SEPTIN6: variants seen among roughly 807,000 people sequenced by gnomAD.
The protein encoded by SEPTIN6 is septin-6.
In SEPTIN6, 8 loss-of-function variants were observed where a neutral mutation model predicts 33.6. The observed-to-expected ratio is 0.24, with a 90% CI of 0.14 to 0.43. SEPTIN6 has a LOEUF of 0.43. Among genes scored for constraint, SEPTIN6 ranks in the 20% least tolerant of loss-of-function variants. The pLI, the probability that SEPTIN6 is intolerant of heterozygous loss-of-function variation, is 1.00. For missense variants in SEPTIN6, 250 were observed against 340.8 expected (o/e 0.73, Z 2.10); for synonymous variants, 131 against 140.0 (o/e 0.94, Z 0.45).
Position 119,618,137 on chromosome X carries a change from CTG to C in SEPTIN6, c.*1954_*1955del. On this transcript the variant is annotated 3_prime_UTR_variant, in exon 11 of 11. Transcript: ENST00000394610. ...CTGACAGGCCTAACTCAGCATCTCT[CTG>C]AGCTACTGGCTGAGTATCTGAGCAG... 3.8e-6 allele frequency: 3 copies of C among 785,914 alleles called. No homozygotes were observed. The highest frequency in any genetic ancestry group is 4.5e-6 in the Non-Finnish European group (3 of 659,381). The allele number at this position is 785,914 out of a possible 1,213,427, so 64.8% of individuals were successfully genotyped here. A position where few individuals can be genotyped will look rare whatever the true frequency, so the allele number is the denominator to read the frequency against.
Position 119,663,495 on chromosome X carries a change from T to C in SEPTIN6, c.328A>G (p.Asn110Asp). The C allele has an allele frequency of 8.3e-7, 1 of 1,198,325 alleles. No individual in the cohort carries two copies. The change falls in exon 3 of 11, where the codon AAC (asparagine) becomes GAC (aspartate). Residue 110 changes from asparagine (N) to aspartate (D), a missense_variant. This residue lies in a region of SEPTIN6 where 111 missense variants were observed against 113.8 expected (regional missense o/e 0.98). Coordinates refer to ENST00000394610, the MANE Select transcript of SEPTIN6 (RefSeq NM_145799.4). ...CGCCTTCTTTACCTGTCCTCTTTGT[T>C]GATCTGGTCCCCAAAGCCAACTGTG... ...VSTVGFGDQI[N>D]KEDSYKPIVE... is the part of the protein sequence containing the mutation.
At chrX:119,688,449 C>T (rs916859921) in intron 1 of SEPTIN6, among the ~76,000 whole-genome samples, 2 of 111,442 alleles carry the variant, frequency 1.8e-5, no homozygotes, top group African/African-American at 6.5e-5. Context: ...TGGCTCACAC[C>T]TGTAATCCCA....
chrX:119,619,026 C>G lies in SEPTIN6; in HGVS notation c.*1067G>C, dbSNP rs2053707402. 9.4e-6 allele frequency: 9 copies of G among 961,635 alleles called. No individual in the cohort carries two copies. The highest frequency in any genetic ancestry group is 1.2e-5 in the Non-Finnish European group (9 of 769,206). The allele number at this position is 961,635 out of a possible 1,213,427, so 79.2% of individuals were successfully genotyped here. ...CTTAAATTGGAAAGAAAGTTAAGGG[C>G]CTTTTCTTCTCTCCGGCCGAGTCTC... On this transcript the variant is annotated 3_prime_UTR_variant, in exon 11 of 11. Coordinates refer to ENST00000394610, the MANE Select transcript of SEPTIN6 (RefSeq NM_145799.4).
chrX:119,625,544 CTT>C (rs745338582), intron 9 of SEPTIN6, 165 bp from the exon 10 acceptor site: 13,166 of 324,179 alleles, frequency 0.041, no homozygotes, highest in East Asian at 0.046. Context: ...CACTGATACT[CTT>C]TTTTTTTTTT....
rs1246325344 is a variant in SEPTIN6, at chrX:119,618,142, C to G, written c.*1951G>C. ...AGGCCTAACTCAGCATCTCTCTGAG[C>G]TACTGGCTGAGTATCTGAGCAGATT... On this transcript the variant is annotated 3_prime_UTR_variant, in exon 11 of 11. Transcript: ENST00000394610. The G allele has an allele frequency of 1.3e-6, 1 of 779,856 alleles. No individual in the cohort carries two copies. Among genetic ancestry groups the G allele is most frequent in the Non-Finnish European group, 1.5e-6 (1 of 653,867 alleles). The allele number at this position is 779,856 out of a possible 1,213,427, so 64.3% of individuals were successfully genotyped here.
At chrX:119,665,986 G>A (rs993663045) in intron 2 of SEPTIN6, among the ~76,000 whole-genome samples, 1 of 109,431 alleles carries the variant, frequency 9.1e-6, no homozygotes, top group Non-Finnish European at 1.9e-5. Context: ...GGAGGCTGAG[G>A]CAGGAGAATG....
At chrX:119,677,209 C>T (rs2054856504) in intron 1 of SEPTIN6, among the ~76,000 whole-genome samples, 1 of 112,167 alleles carries the variant, frequency 8.9e-6, no homozygotes, top group African/African-American at 3.2e-5. Context: ...AAGCCACTCC[C>T]AGCCCTGGAA....
intron 1 of SEPTIN6, among the ~76,000 whole-genome samples, chrX:119,676,284 G>A (rs913331221): frequency 1.8e-5 from 2 of 109,451 alleles, no homozygotes; most frequent in Non-Finnish European, 3.8e-5. Flanking sequence ...CCAACGTGGC[G>A]AAACCCTGTC....
At chrX:119,689,697 C>G (rs1393421730) in intron 1 of SEPTIN6, among the ~76,000 whole-genome samples, 2 of 109,432 alleles carry the variant, frequency 1.8e-5, no homozygotes, top group African/African-American at 6.7e-5. Flanking sequence ...AGGCTGGTCT[C>G]GATCTCCTGA....
intron 10 of SEPTIN6, among the ~76,000 whole-genome samples, chrX:119,621,446 G>GGGGTGTGTGTGTGT (rs2053759866): frequency 1.6e-5 from 1 of 63,482 alleles, no homozygotes; most frequent in Admixed American, 2.1e-4. Context: ...GCCCAGAGCT[G>GGGGTGTGTGTGTGT]GTGTGTGTGT....
intron 1 of SEPTIN6, among the ~76,000 whole-genome samples, chrX:119,679,607 C>T (rs1265488724): frequency 8.9e-6 from 1 of 111,911 alleles, no homozygotes; most frequent in Non-Finnish European, 1.9e-5. Context: ...CGCCTGTAAT[C>T]CCAGCACTTT....
In SEPTIN6 at chrX:119,617,872, A is replaced by G; in HGVS notation, c.*2221T>C. ...CTCCTTAGTTTCTGAAGGTCTCTCC[A>G]AGGCTGTGTGGGTCTAATACTTTTG... is the stretch of plus-strand genomic sequence containing the variant. On this transcript the variant is annotated 3_prime_UTR_variant, in exon 11 of 11. Coordinates refer to ENST00000394610, the MANE Select transcript of SEPTIN6 (RefSeq NM_145799.4). 1 of 803,018 alleles carries G rather than the reference A, an allele frequency of 1.2e-6. No individual in the cohort carries two copies. The highest frequency in any genetic ancestry group is 1.5e-6 in the Non-Finnish European group (1 of 668,787). 66.2% of individuals were successfully genotyped at this position (803,018 alleles called of 1,213,427 possible). A position where few individuals can be genotyped will look rare whatever the true frequency, so the allele number is the denominator to read the frequency against.
At position 119,618,668 on chromosome X, in the gene SEPTIN6, C is replaced by T. The variant is rs914079839; in HGVS notation, c.*1425G>A. On this transcript the variant is annotated 3_prime_UTR_variant, in exon 11 of 11. Coordinates refer to ENST00000394610, the MANE Select transcript of SEPTIN6 (RefSeq NM_145799.4). ...ATGGCAGGATAGGGGTGGGGGGCCT[C>T]GCTGCCTGGCACCCCAAAGGAAAGC... is the stretch of plus-strand genomic sequence containing the variant. The T allele has an allele frequency of 1.1e-5, 13 of 1,176,899 alleles. No individual in the cohort carries two copies. Among genetic ancestry groups the T allele is most frequent in the African/African-American group, 1.8e-5 (1 of 56,136 alleles).
chrX:119,662,386 C>T (rs2054563516), intron 3 of SEPTIN6, among the ~76,000 whole-genome samples: 1 of 111,771 alleles, frequency 8.9e-6, no homozygotes, highest in Non-Finnish European at 1.9e-5. Context: ...GGTTCTCTTA[C>T]GGAATGCCAT....
At chrX:119,687,098 C>G (rs959751510) in intron 1 of SEPTIN6, among the ~76,000 whole-genome samples, 12 of 111,862 alleles carry the variant, frequency 1.1e-4, no homozygotes, top group African/African-American at 3.6e-4. Context: ...ATAAAGGGAA[C>G]AGTAATACTT....
intron 5 of SEPTIN6, among the ~76,000 whole-genome samples, chrX:119,645,752 G>A (rs180862795): frequency 3.6e-5 from 4 of 110,882 alleles, no homozygotes; most frequent in Non-Finnish European, 3.8e-5. Context: ...GGATGGTCTC[G>A]ATCTCTTGAC....
chrX:119,656,654 A>G (rs899124540), intron 3 of SEPTIN6, among the ~76,000 whole-genome samples: 3 of 111,482 alleles, frequency 2.7e-5, no homozygotes, highest in Non-Finnish European at 5.7e-5. Context: ...TTGGGAGACC[A>G]AGGTGGGCGG....
chrX:119,651,678 AAAT>A, intron 4 of SEPTIN6, among the ~76,000 whole-genome samples: 1 of 111,332 alleles, frequency 9.0e-6, no homozygotes, highest in Non-Finnish European at 1.9e-5. Context: ...TCTCAAAAAT[AAAT>A]AAATAAATAA....
At chrX:119,627,696 T>C (rs1436274326) in intron 9 of SEPTIN6, among the ~76,000 whole-genome samples, 3 of 107,937 alleles carry the variant, frequency 2.8e-5, no homozygotes, top group Non-Finnish European at 5.7e-5. Context: ...CATGGAGAGG[T>C]GAGCAACCTC....
Sources: gnomAD v4.1 joint callset for allele counts (sites outside exome capture counted in the v4.1 genomes callset) on GRCh38, gnomAD v4.1.1 for gene constraint, gnomAD v4.1.1 regional missense constraint, MANE v1.5 for transcripts, NCBI Gene and HGNC (gene_info 2026-07-23, HGNC 2026-07-21) for gene names.